The following DIPK1B variants were observed in gnomAD, a reference collection of about 807,000 sequenced individuals.
The protein encoded by DIPK1B is family with sequence similarity 69 member B.
A neutral mutation model predicts 20.7 loss-of-function variants in DIPK1B; 17 were observed. The observed-to-expected ratio is 0.82, with a 90% confidence interval of 0.56 to 1.23. The LOEUF (loss-of-function observed/expected upper bound fraction) is 1.23, where lower values mean the gene tolerates loss of function less well. Among genes scored for constraint, DIPK1B ranks in the 50% most tolerant of loss-of-function variants. DIPK1B has a pLI of 0.00. For missense variants in DIPK1B, 648 were observed against 601.8 expected (o/e 1.08, Z -0.80); for synonymous variants, 343 against 276.5 (o/e 1.24, Z -2.39).
At chr9:136,715,981 G>A (rs530604652) in intron 1 of DIPK1B, among the ~76,000 whole-genome samples, 12 of 152,230 alleles carry the variant, frequency 7.9e-5, no homozygotes, top group Admixed American at 6.5e-4. Flanking sequence ...CCCAGCCCGC[G>A]GCTCCCTCTA....
At position 136,723,386 on chromosome 9, in the gene DIPK1B, T is replaced by C. The variant is rs1374564326; in HGVS notation, c.908T>C (p.Val303Ala). ...FYMCETTLAN[V>A]GYTATYDFKM... The stretch of plus-strand genomic sequence containing the variant: ...ATGTGTGAGACCACACTGGCCAACG[T>C]GGGCTACACAGCCACCTACGACTTC... The change falls in exon 5 of 5, where the codon GTG (valine) becomes GCG (alanine). Residue 303 changes from valine (V) to alanine (A), a missense_variant. By Grantham distance (64) the Val-to-Ala change is moderately conservative (BLOSUM62 0). Coordinates refer to ENST00000371692, the MANE Select transcript of DIPK1B (RefSeq NM_152421.4). 1.2e-6 allele frequency: 2 copies of C among 1,613,226 alleles called. No individual in the cohort carries two copies. The highest frequency in any genetic ancestry group is 2.2e-5 in the East Asian group (1 of 44,870).
chr9:136,720,660 A>T (rs4880134), intron 2 of DIPK1B, among the ~76,000 whole-genome samples: 7 of 152,248 alleles, frequency 4.6e-5, no homozygotes, highest in Middle Eastern at 3.4e-3. Context: ...CCTGTGGGAC[A>T]GGGAAGGACA....
chr9:136,714,758 T>C (rs1283957248), intron 1 of DIPK1B, among the ~76,000 whole-genome samples: 1 of 152,244 alleles, frequency 6.6e-6, no homozygotes, highest in East Asian at 1.9e-4. Flanking sequence ...CCACGCCCTC[T>C]GCTCCAGGAC....
chr9:136,723,664 T>A lies in DIPK1B; in HGVS notation c.1186T>A (p.Cys396Ser). The A allele has an allele frequency of 6.4e-7, 1 of 1,552,244 alleles. No homozygotes were observed. The highest frequency in any genetic ancestry group is 8.7e-7 in the Non-Finnish European group (1 of 1,151,928). Residue 396 changes from cysteine to serine, a missense_variant, in exon 5 of 5, where the codon TGT becomes AGT. Transcript: ENST00000371692. Reference sequence around the variant, plus strand: ...GGAGCTGGGCACACAGCTGCGCACCTGTACCACGCTGAGCGGGCTGGCCAG... The same window carrying A: ...GGAGCTGGGCACACAGCTGCGCACCAGTACCACGCTGAGCGGGCTGGCCAG... Reference protein sequence around the residue: ...REELGTQLRTCTTLSGLASQV... With the variant: ...REELGTQLRTSTTLSGLASQV...
At chr9:136,718,364 G>T (rs957939189) in intron 2 of DIPK1B, among the ~76,000 whole-genome samples, 1 of 152,154 alleles carries the variant, frequency 6.6e-6, no homozygotes, top group Non-Finnish European at 1.5e-5. Flanking sequence ...GCAGGGCAAG[G>T]TCCTCCACAG....
intron 1 of DIPK1B, among the ~76,000 whole-genome samples, chr9:136,716,074 GCTC>G: frequency 6.6e-6 from 1 of 152,056 alleles, no homozygotes; most frequent in South Asian, 2.1e-4. Flanking sequence ...TTGGTGACGG[GCTC>G]GTTTCACTGA....
chr9:136,717,285 C>T (rs976999568), intron 1 of DIPK1B, among the ~76,000 whole-genome samples: 7 of 152,150 alleles, frequency 4.6e-5, no homozygotes, highest in Non-Finnish European at 7.4e-5. Flanking sequence ...CCTGTAGTCC[C>T]CTGGTTTTGA....
At chr9:136,721,147 T>G (rs1846593165) in intron 2 of DIPK1B, 1 of 152,284 alleles carries the variant, frequency 6.6e-6, no homozygotes, top group African/African-American at 2.4e-5. Context: ...CCCAGCTGTT[T>G]GCCCTGTGTC....
chr9:136,722,805 T>C, intron 4 of DIPK1B, 157 bp from the exon 5 acceptor site: 1 of 723,394 alleles, frequency 1.4e-6, no homozygotes, highest in Non-Finnish European at 2.2e-6. Context: ...GCTGGCTGCG[T>C]CCTCCACCCG....
At position 136,712,789 on chromosome 9, in the gene DIPK1B, C is replaced by T; in HGVS notation, c.63+61C>T. 3 of 1,199,860 alleles carry T rather than the reference C, an allele frequency of 2.5e-6. No individual in the cohort carries two copies. The highest frequency in any genetic ancestry group is 3.2e-6 in the Non-Finnish European group (3 of 945,046). The allele number at this position is 1,199,860 out of a possible 1,614,324, so 74.3% of individuals were successfully genotyped here. A position where few individuals can be genotyped will look rare whatever the true frequency, so the allele number is the denominator to read the frequency against. On this transcript the variant is annotated intron_variant, in intron 1 of 4. Transcript: ENST00000371692. The surrounding 1 kb of genome is among the most constrained non-coding windows in gnomAD (Gnocchi z 5.6). ...TCTGCCTGGGGAGGCCGAGCTCCAG[C>T]CCCGGAGTGGGCCGAGTACGGAGCG...
In DIPK1B at chr9:136,712,738, G is replaced by T. The variant is rs930181132; in HGVS notation, c.63+10G>T. 1.2e-4 allele frequency: 154 copies of T among 1,337,924 alleles called. No individual in the cohort carries two copies. The highest frequency in any genetic ancestry group is 1.4e-4 in the Non-Finnish European group (147 of 1,048,868). 82.9% of individuals were successfully genotyped at this position (1,337,924 alleles called of 1,614,324 possible). A position where few individuals can be genotyped will look rare whatever the true frequency, so the allele number is the denominator to read the frequency against. On this transcript the variant is annotated intron_variant, in intron 1 of 4. Transcript: ENST00000371692. This position sits in a 1 kb window ranked among gnomAD's most constrained non-coding sequence, Gnocchi z 5.6. ...CTCCAAGCGCCTGCAGGTAAGCGCGGTGCGCGCCCGCCGCCCCCGGCCGCC... is the reference window on the plus strand; with the variant it reads ...CTCCAAGCGCCTGCAGGTAAGCGCGTTGCGCGCCCGCCGCCCCCGGCCGCC...
chr9:136,722,766 C>T (rs1846628436), intron 4 of DIPK1B, 196 bp from the exon 5 acceptor site: 3 of 636,532 alleles, frequency 4.7e-6, no homozygotes, highest in Non-Finnish European at 8.0e-6. Flanking sequence ...GCAGCAGCCA[C>T]ACAGGCCAGC....
rs1588278847 is a variant in DIPK1B, at chr9:136,712,726, C to G, written c.61C>G (p.Gln21Glu). The change falls in exon 1 of 5, where the codon CAG (glutamine) becomes GAG (glutamate). Residue 21 changes from glutamine to glutamate, a missense_variant and splice_region_variant. Gln to Glu is a conservative substitution (Grantham distance 29). Transcript: ENST00000371692. This position sits in a 1 kb window ranked among gnomAD's most constrained non-coding sequence, Gnocchi z 5.6. ...VLFCPFSKRL[Q>E]GRLPGLRVRC... Reference sequence around the variant, plus strand: ...CTTCTGCCCCTTCTCCAAGCGCCTGCAGGTAAGCGCGGTGCGCGCCCGCCG... The same window carrying G: ...CTTCTGCCCCTTCTCCAAGCGCCTGGAGGTAAGCGCGGTGCGCGCCCGCCG... 7.4e-7 allele frequency: 1 copy of G among 1,350,902 alleles called. No individual in the cohort carries two copies. The highest frequency in any genetic ancestry group is 1.5e-5 in the African/African-American group (1 of 65,308). 83.7% of individuals were successfully genotyped at this position (1,350,902 alleles called of 1,614,324 possible).
At chr9:136,714,702 AG>A (rs1412014597) in intron 1 of DIPK1B, among the ~76,000 whole-genome samples, 3 of 152,190 alleles carry the variant, frequency 2.0e-5, no homozygotes, top group Non-Finnish European at 4.4e-5. Flanking sequence ...AAGTGGTCTG[AG>A]GGGGCGGAGA....
chr9:136,717,581 G>A lies in DIPK1B; in HGVS notation c.68G>A (p.Arg23Gln), dbSNP rs370510339. The A allele has an allele frequency of 5.3e-5, 85 of 1,599,134 alleles. No individual in the cohort carries two copies. The highest frequency in any genetic ancestry group is 4.2e-4 in the East Asian group (19 of 44,838). ...ACGCAGCCCCTTCCCCCACAGGGCCGGCTCCCAGGCCTCAGGGTCCGCTGC... is the reference window on the plus strand; with the variant it reads ...ACGCAGCCCCTTCCCCCACAGGGCCAGCTCCCAGGCCTCAGGGTCCGCTGC... ...FCPFSKRLQG[R>Q]LPGLRVRCIF... The change falls in exon 2 of 5, where the codon CGG becomes CAG. Residue 23 changes from arginine (R) to glutamine (Q), a missense_variant. Transcript: ENST00000371692.
Position 136,717,673 on chromosome 9 carries a change from T to C in DIPK1B, c.160T>C (p.Ser54Pro), listed in dbSNP as rs1846519094. Reference sequence around the variant, plus strand: ...GGTGTACGTGCACTACTCGTCCTACTCGGAGCGCTGTCGCGGCCATGTCTG... The same window carrying C: ...GGTGTACGTGCACTACTCGTCCTACCCGGAGCGCTGTCGCGGCCATGTCTG... Reference protein sequence around the residue: ...WLVYVHYSSYSERCRGHVCQV... With the variant: ...WLVYVHYSSYPERCRGHVCQV... Residue 54 changes from serine to proline, a missense_variant, in exon 2 of 5, where the codon TCG becomes CCG. Physicochemically the swap from Ser to Pro is moderately conservative, Grantham distance 74. Coordinates refer to ENST00000371692, the MANE Select transcript of DIPK1B (RefSeq NM_152421.4). 6.2e-7 allele frequency: 1 copy of C among 1,610,414 alleles called. No individual in the cohort carries two copies. Among genetic ancestry groups the C allele is most frequent in the Non-Finnish European group, 8.5e-7 (1 of 1,179,960 alleles).
chr9:136,720,077 T>C (rs28489350), intron 2 of DIPK1B, among the ~76,000 whole-genome samples: 1 of 142,126 alleles, frequency 7.0e-6, no homozygotes, highest in Admixed American at 6.9e-5. Flanking sequence ...TGGTCTGGGG[T>C]TCCGGGTGCA....
chr9:136,721,909 C>G lies in DIPK1B; in HGVS notation c.199-12C>G, dbSNP rs1846607643. 1.2e-6 allele frequency: 2 copies of G among 1,612,116 alleles called. No individual in the cohort carries two copies. Among genetic ancestry groups the G allele is most frequent in the African/African-American group, 1.3e-5 (1 of 75,036 alleles). On this transcript the variant is annotated splice_polypyrimidine_tract_variant and intron_variant, in intron 2 of 4. Transcript: ENST00000371692. ...GCTGCCCCGCCCGGCACGCCTGCACCTGTCTCCTCAGTGTGACCAGTACCG... is the reference window on the plus strand; with the variant it reads ...GCTGCCCCGCCCGGCACGCCTGCACGTGTCTCCTCAGTGTGACCAGTACCG...
Position 136,712,603 on chromosome 9 carries a change from G to T in DIPK1B, c.-63G>T. 1.7e-5 allele frequency: 14 copies of T among 802,640 alleles called. No homozygotes were observed. The highest frequency in any genetic ancestry group is 2.1e-5 in the Non-Finnish European group (14 of 664,208). The allele number at this position is 802,640 out of a possible 1,614,324, so 49.7% of individuals were successfully genotyped here. ...AGGGAGCGGCGGCCGCTGCGGGCCG[G>T]GCCGGGCCGGGGCTGAGGCCGAGCG... On this transcript the variant is annotated 5_prime_UTR_variant, in exon 1 of 5. Coordinates refer to ENST00000371692, the MANE Select transcript of DIPK1B (RefSeq NM_152421.4). This position sits in a 1 kb window ranked among gnomAD's most constrained non-coding sequence, Gnocchi z 5.6.
Sources: gnomAD v4.1 joint callset for allele counts (sites outside exome capture counted in the v4.1 genomes callset) on GRCh38, gnomAD v4.1.1 for gene constraint, Gnocchi (gnomAD v3.1) non-coding constraint, MANE v1.5 for transcripts, NCBI Gene and HGNC (gene_info 2026-07-23, HGNC 2026-07-21) for gene names.